CYTH3: variants seen among roughly 807,000 people sequenced by gnomAD.
CYTH3 encodes the protein cytohesin-3.
CYTH3 carries 23 observed loss-of-function variants against 55.1 expected under a neutral mutation model. The ratio of observed to expected loss-of-function variants is 0.42; its 90% confidence interval spans 0.30 to 0.59. CYTH3 has a LOEUF of 0.59. Ranked by LOEUF, CYTH3 falls within the 20% of genes least tolerant of loss-of-function variation. The probability of loss-of-function intolerance (pLI) is 0.20; values close to 1 mark genes in which losing one functional copy is unlikely to be tolerated. For missense variants in CYTH3, 413 were observed against 524.8 expected (o/e 0.79, Z 2.08); for synonymous variants, 249 against 194.9 (o/e 1.28, Z -2.31).
chr7:6,162,446 T>A lies in CYTH3; in HGVS notation c.*2498A>T, dbSNP rs1782862421. 1 of 152,122 alleles carries A rather than the reference T, an allele frequency of 6.6e-6. No homozygotes were observed. The highest frequency in any genetic ancestry group is 6.6e-5 in the Admixed American group (1 of 15,246). The allele number at this position is 152,122 out of a possible 1,614,324, so 9.4% of individuals were successfully genotyped here. On this transcript the variant is annotated 3_prime_UTR_variant, in exon 13 of 13. Coordinates refer to ENST00000350796, the MANE Select transcript of CYTH3 (RefSeq NM_004227.4). The stretch of plus-strand genomic sequence containing the variant: ...GGGTGGGGAGGAGGAGGACTGTGAT[T>A]GTGACGCGGCCTGCCCAGGGTGAGG...
Position 6,173,717 on chromosome 7 carries a change from T to C in CYTH3, c.385A>G (p.Lys129Glu), listed in dbSNP as rs1469291191. Residue 129 changes from lysine (K) to glutamate (E), a missense_variant, in exon 6 of 13, where the codon AAA becomes GAA. This residue lies in a region of CYTH3 where 156 missense variants were observed against 233.1 expected (regional missense o/e 0.67). Transcript: ENST00000350796. ...YLGERDEFNI[K>E]VLQAFVELHE... is the part of the protein sequence containing the mutation. Reference sequence around the variant, plus strand: ...AGTTCAACAAAGGCTTGAAGAACTTTAATATTAAATTCATCCCTGGGAAAA... The same window carrying C: ...AGTTCAACAAAGGCTTGAAGAACTTCAATATTAAATTCATCCCTGGGAAAA... 1.2e-6 allele frequency: 2 copies of C among 1,602,962 alleles called. No homozygotes were observed. Among genetic ancestry groups the C allele is most frequent in the Non-Finnish European group, 1.7e-6 (2 of 1,169,828 alleles).
chr7:6,201,715 G>GA (rs1239226979), intron 1 of CYTH3, among the ~76,000 whole-genome samples: 1 of 152,156 alleles, frequency 6.6e-6, no homozygotes, highest in African/African-American at 2.4e-5. Flanking sequence ...ATGTAAATAA[G>GA]AAGGGAAGTA....
At chr7:6,236,073 T>A (rs1009288287) in intron 1 of CYTH3, among the ~76,000 whole-genome samples, 11 of 152,336 alleles carry the variant, frequency 7.2e-5, no homozygotes, top group African/African-American at 2.6e-4. Flanking sequence ...CCTGACTACC[T>A]GATACTTAAC....
chr7:6,173,405 G>T (rs924849118), intron 6 of CYTH3, among the ~76,000 whole-genome samples: 2 of 152,188 alleles, frequency 1.3e-5, no homozygotes, highest in African/African-American at 4.8e-5. Flanking sequence ...AAAAGGAAAC[G>T]GAATGGAAGG....
intron 1 of CYTH3, among the ~76,000 whole-genome samples, chr7:6,246,999 C>G (rs7783018): frequency 0.11 from 16,702 of 152,036 alleles, 2,525 homozygotes; most frequent in African/African-American, 0.34. Context: ...AGAAGGCATA[C>G]AGAAAAATTT....
intron 4 of CYTH3, among the ~76,000 whole-genome samples, chr7:6,184,404 T>C (rs1190795940): frequency 3.3e-5 from 5 of 152,000 alleles, no homozygotes; most frequent in African/African-American, 1.2e-4. Flanking sequence ...GACTGACAAG[T>C]GCTATATTCA....
chr7:6,245,282 C>T (rs78390534), intron 1 of CYTH3, among the ~76,000 whole-genome samples: 7,045 of 151,978 alleles, frequency 0.046, 532 homozygotes, highest in African/African-American at 0.16. Context: ...TCAAAATGTA[C>T]AACTAGTGAC....
At chr7:6,199,820 T>C (rs1285988144) in intron 1 of CYTH3, among the ~76,000 whole-genome samples, 1 of 152,122 alleles carries the variant, frequency 6.6e-6, no homozygotes, top group African/African-American at 2.4e-5. Context: ...ATTGGGTTAA[T>C]AACAAATATA....
Position 6,194,609 on chromosome 7 carries a change from A to G in CYTH3, c.35-4078T>C, listed in dbSNP as rs557113176. Among the ~76,000 whole-genome samples, 12 of 152,362 alleles carry G rather than the reference A, an allele frequency of 7.9e-5. No homozygotes were observed. In the South Asian group the frequency reaches 2.5e-3, roughly 32 times the overall value. Reference sequence around the variant, plus strand: ...TGACCCAGCAATTTTACTCCCAGGTATATCAGAAAAATTTCTGTGCACTGC... The same window carrying G: ...TGACCCAGCAATTTTACTCCCAGGTGTATCAGAAAAATTTCTGTGCACTGC... On this transcript the variant is annotated intron_variant, in intron 1 of 12. Coordinates refer to ENST00000350796, the MANE Select transcript of CYTH3 (RefSeq NM_004227.4).
At chr7:6,209,127 C>T (rs1784266535) in intron 1 of CYTH3, among the ~76,000 whole-genome samples, 1 of 152,230 alleles carries the variant, frequency 6.6e-6, no homozygotes, top group African/African-American at 2.4e-5. Flanking sequence ...CTGGACTTGT[C>T]TCAAATGTTC....
At chr7:6,207,819 A>G (rs1562388002) in intron 1 of CYTH3, among the ~76,000 whole-genome samples, 1 of 152,002 alleles carries the variant, frequency 6.6e-6, no homozygotes, top group East Asian at 1.9e-4. Flanking sequence ...GTGCAGTGGT[A>G]TATGCCTGTA....
chr7:6,173,561 T>A, intron 6 of CYTH3, 92 bp downstream of exon 6: 1 of 809,808 alleles, frequency 1.2e-6, no homozygotes, highest in Non-Finnish European at 2.2e-6. Context: ...TGGCACCAAG[T>A]TACCTGGAGT....
intron 1 of CYTH3, among the ~76,000 whole-genome samples, chr7:6,235,329 T>C (rs1779491692): frequency 6.6e-6 from 1 of 151,916 alleles, no homozygotes; most frequent in Non-Finnish European, 1.5e-5. Context: ...ATACAAAAAT[T>C]ATCTGGGTGT....
intron 3 of CYTH3, 66 bp downstream of exon 3, chr7:6,187,591 T>G: frequency 1.4e-6 from 2 of 1,432,234 alleles, no homozygotes; most frequent in Non-Finnish European, 2.0e-6. Flanking sequence ...TTCTGCAAGT[T>G]TGACTACAGG....
intron 4 of CYTH3, among the ~76,000 whole-genome samples, chr7:6,181,587 C>G (rs1375947133): frequency 6.6e-6 from 1 of 152,180 alleles, no homozygotes; most frequent in Non-Finnish European, 1.5e-5. Flanking sequence ...CTTGACACGT[C>G]TATGTGTATA....
At chr7:6,183,139 G>C (rs1229622324) in intron 4 of CYTH3, among the ~76,000 whole-genome samples, 2 of 152,220 alleles carry the variant, frequency 1.3e-5, no homozygotes, top group Non-Finnish European at 2.9e-5. Context: ...CCCACCTGGA[G>C]ACACAATCAC....
In CYTH3 at chr7:6,187,694, T is replaced by C. The variant is rs771686875; in HGVS notation, c.145A>G (p.Met49Val). ...GAAGTTAGATTGTCGATCTCTGTCA[T>C]CACCTCTGCAATTTCATATTTCAGC... ...ERLKYEIAEV[M>V]TEIDNLTSVE... The change falls in exon 3 of 13, where the codon ATG becomes GTG. Residue 49 changes from methionine to valine, a missense_variant. Physicochemically the swap from Met to Val is conservative, Grantham distance 21. Around this residue, in one of 4 missense-constraint regions of CYTH3, gnomAD observed 152 missense variants for 148.1 expected, o/e 1.03. Coordinates refer to ENST00000350796, the MANE Select transcript of CYTH3 (RefSeq NM_004227.4). The C allele has an allele frequency of 1.2e-6, 2 of 1,614,064 alleles. No homozygotes were observed. Among genetic ancestry groups the C allele is most frequent in the Non-Finnish European group, 1.7e-6 (2 of 1,180,024 alleles).
intron 1 of CYTH3, among the ~76,000 whole-genome samples, chr7:6,224,320 A>G (rs1025026147): frequency 2.6e-5 from 4 of 151,802 alleles, no homozygotes; most frequent in Admixed American, 6.6e-5. Context: ...ATAGGTAAAA[A>G]AAAAAAAAAA....
chr7:6,234,837 G>A (rs1460285826), intron 1 of CYTH3, among the ~76,000 whole-genome samples: 2 of 152,158 alleles, frequency 1.3e-5, no homozygotes, highest in Non-Finnish European at 2.9e-5. Flanking sequence ...CTGCTAATTG[G>A]TAATAAGAGA....
Sources: gnomAD v4.1 joint callset for allele counts (sites outside exome capture counted in the v4.1 genomes callset) on GRCh38, gnomAD v4.1.1 for gene constraint, gnomAD v4.1.1 regional missense constraint, MANE v1.5 for transcripts, NCBI Gene and HGNC (gene_info 2026-07-23, HGNC 2026-07-21) for gene names.